The following IGSF21 variants were observed in gnomAD, a reference collection of about 807,000 sequenced individuals.
IGSF21 encodes immunoglobulin superfamily member 21.
In IGSF21, 28 loss-of-function variants were observed where a neutral mutation model predicts 46.8. The observed-to-expected ratio is 0.60, with a 90% CI of 0.44 to 0.82. The LOEUF (loss-of-function observed/expected upper bound fraction) is 0.82. Ranked by LOEUF, IGSF21 falls within the 40% of genes least tolerant of loss-of-function variation. IGSF21 has a pLI of 0.00. For synonymous variants in IGSF21, 284 were observed against 273.6 expected, an observed-to-expected ratio of 1.04 and a Z score of -0.38; for missense variants, 624 against 665.5, an observed-to-expected ratio of 0.94 and a Z score of 0.69.
At chr1:18,210,995 C>T (rs1465516644) in intron 1 of IGSF21, among the ~76,000 whole-genome samples, 1 of 152,152 alleles carries the variant, frequency 6.6e-6, no homozygotes, top group African/African-American at 2.4e-5. Context: ...AGCCTCCTGA[C>T]TAGCTAGCTA....
chr1:18,325,626 G>A (rs2085649681), intron 3 of IGSF21, among the ~76,000 whole-genome samples: 2 of 152,122 alleles, frequency 1.3e-5, no homozygotes, highest in South Asian at 4.2e-4. Context: ...CCAACTGTAG[G>A]CTCACCATAA....
At chr1:18,211,509 G>A (rs1162194062) in intron 1 of IGSF21, among the ~76,000 whole-genome samples, 1 of 152,230 alleles carries the variant, frequency 6.6e-6, no homozygotes, top group Non-Finnish European at 1.5e-5. Flanking sequence ...TTTAATGCGA[G>A]TTGCCTTTTT....
intron 3 of IGSF21, 60 bp downstream of exon 3, chr1:18,292,047 G>C: frequency 6.4e-7 from 1 of 1,552,014 alleles, no homozygotes; most frequent in Non-Finnish European, 8.8e-7. Flanking sequence ...GGGGAGTGGG[G>C]CAGAGGGCAG....
At chr1:18,246,384 T>A (rs1569621197) in intron 2 of IGSF21, among the ~76,000 whole-genome samples, 1 of 152,132 alleles carries the variant, frequency 6.6e-6, no homozygotes, top group East Asian at 1.9e-4. Flanking sequence ...CTGCACTGAC[T>A]CTTCCCAGCA....
chr1:18,292,097 G>T, intron 3 of IGSF21, 110 bp downstream of exon 3: 1 of 1,186,536 alleles, frequency 8.4e-7, no homozygotes, highest in Non-Finnish European at 1.2e-6. Flanking sequence ...GTGCTCTTGG[G>T]CTTGGAAGGC....
rs2086123652 is a variant in IGSF21, at chr1:18,109,585, G to C, written c.70+1387G>C. 1 of 152,370 alleles carries C rather than the reference G, an allele frequency of 6.6e-6. No individual in the cohort carries two copies. Among genetic ancestry groups the C allele is most frequent in the Admixed American group, 6.5e-5 (1 of 15,290 alleles). The allele number at this position is 152,370 out of a possible 1,614,324, so 9.4% of individuals were successfully genotyped here. A position where few individuals can be genotyped will look rare whatever the true frequency, so the allele number is the denominator to read the frequency against. ...TGGGGAGTGCTGGGTCTGCTGATGGGAGAAGCTGCAGAATTTGAGCCCGGA... is the reference window on the plus strand; with the variant it reads ...TGGGGAGTGCTGGGTCTGCTGATGGCAGAAGCTGCAGAATTTGAGCCCGGA... On this transcript the variant is annotated intron_variant, in intron 1 of 9. Coordinates refer to ENST00000251296, the MANE Select transcript of IGSF21 (RefSeq NM_032880.5). The surrounding 1 kb of genome is among the most constrained non-coding windows in gnomAD (Gnocchi z 4.8).
At chr1:18,146,844 GAA>G (rs2086471066) in intron 1 of IGSF21, among the ~76,000 whole-genome samples, 2 of 152,162 alleles carry the variant, frequency 1.3e-5, no homozygotes, top group Non-Finnish European at 2.9e-5. Flanking sequence ...TGTAGATGAG[GAA>G]AGTAAGACTC....
intron 1 of IGSF21, chr1:18,110,497 C>G (rs2086134026): frequency 6.6e-6 from 1 of 152,282 alleles, no homozygotes; most frequent in Admixed American, 6.5e-5. Flanking sequence ...CAACCCGCGC[C>G]GGCCTTCACG....
At chr1:18,194,479 C>G (rs1368377852) in intron 1 of IGSF21, among the ~76,000 whole-genome samples, 2 of 152,142 alleles carry the variant, frequency 1.3e-5, no homozygotes, top group Admixed American at 1.3e-4. Flanking sequence ...AGAGGAGGAT[C>G]CTTTCTGCCT....
chr1:18,187,579 G>A (rs999630415), intron 1 of IGSF21, among the ~76,000 whole-genome samples: 3 of 152,234 alleles, frequency 2.0e-5, no homozygotes, highest in African/African-American at 7.2e-5. Flanking sequence ...CCACTCCTGC[G>A]ATCCAATTAT....
intron 4 of IGSF21, among the ~76,000 whole-genome samples, chr1:18,359,403 G>A (rs375062478): frequency 1.1e-3 from 142 of 127,976 alleles, no homozygotes; most frequent in East Asian, 9.4e-3. Flanking sequence ...AGGAAGGAAG[G>A]AAGGAAGGAA....
At chr1:18,224,970 CAGG>C (rs758328550) in intron 1 of IGSF21, among the ~76,000 whole-genome samples, 1 of 151,860 alleles carries the variant, frequency 6.6e-6, no homozygotes, top group Non-Finnish European at 1.5e-5. Flanking sequence ...GAGGCTGAGG[CAGG>C]AGAATTGCCT....
chr1:18,261,288 G>A (rs1000284332), intron 2 of IGSF21, among the ~76,000 whole-genome samples: 2 of 152,196 alleles, frequency 1.3e-5, no homozygotes, highest in African/African-American at 2.4e-5. Flanking sequence ...AGGAGACAGA[G>A]AAGAAAAGCC....
chr1:18,308,248 C>A (rs896073533), intron 3 of IGSF21, among the ~76,000 whole-genome samples: 1 of 152,188 alleles, frequency 6.6e-6, no homozygotes, highest in African/African-American at 2.4e-5. Flanking sequence ...CCCTCTGCTT[C>A]TAGGGGACCG....
At chr1:18,287,976 G>A (rs556841623) in intron 2 of IGSF21, among the ~76,000 whole-genome samples, 1 of 152,160 alleles carries the variant, frequency 6.6e-6, no homozygotes, top group Admixed American at 6.5e-5. Flanking sequence ...AAAAACAGAT[G>A]GTCCAGAAAG....
At chr1:18,125,764 C>T (rs991075416) in intron 1 of IGSF21, among the ~76,000 whole-genome samples, 1 of 152,106 alleles carries the variant, frequency 6.6e-6, no homozygotes, top group African/African-American at 2.4e-5. Flanking sequence ...GAACAGATAA[C>T]GTAAGGAAGT....
At chr1:18,273,861 C>T (rs1380074535) in intron 2 of IGSF21, among the ~76,000 whole-genome samples, 1 of 152,114 alleles carries the variant, frequency 6.6e-6, no homozygotes, top group Non-Finnish European at 1.5e-5. Context: ...GCCCGTGCTA[C>T]CTCTCAGGCT....
intron 2 of IGSF21, among the ~76,000 whole-genome samples, chr1:18,244,064 G>A (rs911347707): frequency 7.9e-5 from 12 of 152,220 alleles, no homozygotes; most frequent in African/African-American, 2.7e-4. Flanking sequence ...TGACTGTTAA[G>A]AGCAACCCTT....
chr1:18,191,309 G>A (rs2086953838), intron 1 of IGSF21, among the ~76,000 whole-genome samples: 1 of 152,188 alleles, frequency 6.6e-6, no homozygotes, highest in African/African-American at 2.4e-5. Context: ...CCTTGAGGCA[G>A]TGGATATGAA....
Sources: allele counts gnomAD v4.1 joint callset (sites outside exome capture counted in the v4.1 genomes callset), GRCh38; gene constraint gnomAD v4.1.1; non-coding constraint Gnocchi (gnomAD v3.1); transcripts MANE v1.5; gene names NCBI Gene and HGNC (gene_info 2026-07-23, HGNC 2026-07-21).